The following ZDHHC8 variants were observed in gnomAD, a reference collection of about 807,000 sequenced individuals.
ZDHHC8 encodes zDHHC palmitoyltransferase 8.
In ZDHHC8, 24 loss-of-function variants were observed where a neutral mutation model predicts 61.2. That is an observed-to-expected ratio of 0.39 (90% CI 0.28 to 0.55). ZDHHC8 has a LOEUF of 0.55. Ranked by LOEUF, ZDHHC8 falls within the 20% of genes least tolerant of loss-of-function variation. The pLI is 0.60. For missense variants in ZDHHC8, 935 were observed against 1,102.1 expected, an observed-to-expected ratio of 0.85 and a Z score of 2.15; for synonymous variants, 523 against 492.5, an observed-to-expected ratio of 1.06 and a Z score of -0.82.
At position 20,143,559 on chromosome 22, in the gene ZDHHC8, C is replaced by T. The variant is rs142069002; in HGVS notation, c.1929C>T (p.Ser643=). 3.8e-5 allele frequency: 60 copies of T among 1,596,818 alleles called. No homozygotes were observed. The African/African-American group carries it at 7.5e-4, about 20-fold the overall frequency. Residue 643 remains serine (S), a synonymous_variant, in exon 10 of 11, where the codon TCC becomes TCT. Transcript: ENST00000334554. Reference sequence around the variant, plus strand: ...TGAGCCGTGCACCGCGGACGTCGTCCTCCTCCCTGCAGGCTGATCAGGCCA... The same window carrying T: ...TGAGCCGTGCACCGCGGACGTCGTCTTCCTCCCTGCAGGCTGATCAGGCCA... ...SSVSRAPRTS[S]SSLQADQASS...
chr22:20,132,006 C>T lies in ZDHHC8; in HGVS notation c.59C>T (p.Ala20Val). ...KPAKYIPVAT[A>V]AALLVGSSTL... ...GCCAAGTACATCCCGGTGGCCACGG[C>T]CGCCGCGCTGCTGGTCGGCTCCAGC... The change falls in exon 1 of 11, where the codon GCC becomes GTC. Residue 20 changes from alanine to valine, a missense_variant. Coordinates refer to ENST00000334554, the MANE Select transcript of ZDHHC8 (RefSeq NM_013373.4). 2 of 1,389,886 alleles carry T rather than the reference C, an allele frequency of 1.4e-6. No individual in the cohort carries two copies. The highest frequency in any genetic ancestry group is 2.1e-5 in the Admixed American group (1 of 46,706). 86.1% of individuals were successfully genotyped at this position (1,389,886 alleles called of 1,614,324 possible).
Position 20,141,471 on chromosome 22 carries a change from A to G in ZDHHC8, c.1066A>G (p.Lys356Glu). 2 of 1,613,308 alleles carry G rather than the reference A, an allele frequency of 1.2e-6. No individual in the cohort carries two copies. The highest frequency in any genetic ancestry group is 1.7e-6 in the Non-Finnish European group (2 of 1,179,916). The change falls in exon 9 of 11, where the codon AAG (lysine) becomes GAG (glutamate). Residue 356 changes from lysine to glutamate, a missense_variant. By Grantham distance (56) the Lys-to-Glu change is moderately conservative. Coordinates refer to ENST00000334554, the MANE Select transcript of ZDHHC8 (RefSeq NM_013373.4). ...CAGCCCCCCGACACCTGCCATGTAC[A>G]AGTTTAGGCCGGCTTTCCCCACGGG... ...RTSPPTPAMY[K>E]FRPAFPTGPK...
intron 1 of ZDHHC8, among the ~76,000 whole-genome samples, chr22:20,136,099 CG>C (rs540800358): frequency 6.6e-6 from 1 of 152,154 alleles, no homozygotes; most frequent in Non-Finnish European, 1.5e-5. Context: ...ATTGGAACCT[CG>C]GGGCTGGGCC....
Position 20,141,342 on chromosome 22 carries a change from G to C in ZDHHC8, c.1015+5G>C, listed in dbSNP as rs759119910. The C allele has an allele frequency of 6.2e-7, 1 of 1,611,948 alleles. No individual in the cohort carries two copies. Among genetic ancestry groups the C allele is most frequent in the Admixed American group, 1.7e-5 (1 of 59,912 alleles). On this transcript the variant is annotated splice_donor_5th_base_variant and intron_variant, in intron 8 of 10. Coordinates refer to ENST00000334554, the MANE Select transcript of ZDHHC8 (RefSeq NM_013373.4). ...CCCCGCGCCCAGGCAGTGCTGGTGAGGTTGGGGCAGCCACGACTAGGGAGG... is the reference window on the plus strand; with the variant it reads ...CCCCGCGCCCAGGCAGTGCTGGTGACGTTGGGGCAGCCACGACTAGGGAGG...
intron 1 of ZDHHC8, among the ~76,000 whole-genome samples, chr22:20,135,105 T>C (rs2148002829): frequency 6.6e-6 from 1 of 151,764 alleles, no homozygotes; most frequent in South Asian, 2.1e-4. Flanking sequence ...CTAATTTATT[T>C]ATTTTTTGTT....
In ZDHHC8 at chr22:20,141,447, A is replaced by G. The variant is rs750789232; in HGVS notation, c.1042A>G (p.Ser348Gly). 1 of 1,613,292 alleles carries G rather than the reference A, an allele frequency of 6.2e-7. No individual in the cohort carries two copies. Among genetic ancestry groups the G allele is most frequent in the Non-Finnish European group, 8.5e-7 (1 of 1,179,924 alleles). The change falls in exon 9 of 11, where the codon AGC (serine) becomes GGC (glycine). Residue 348 changes from serine (S) to glycine (G), a missense_variant. Around this residue, in one of 3 missense-constraint regions of ZDHHC8, gnomAD observed 692 missense variants for 731.4 expected, o/e 0.95. Transcript: ENST00000334554. ...AESALSVQRT[S>G]PPTPAMYKFR... ...GAGTGCCCTGTCGGTGCAGAGGACCAGCCCCCCGACACCTGCCATGTACAA... is the reference window on the plus strand; with the variant it reads ...GAGTGCCCTGTCGGTGCAGAGGACCGGCCCCCCGACACCTGCCATGTACAA...
Position 20,145,427 on chromosome 22 carries a change from G to A in ZDHHC8, c.*27G>A. ...GACTGACTGCCACACATCCGCCATGGTGCCACGGGGACCAGGACCCCACAG... is the reference window on the plus strand; with the variant it reads ...GACTGACTGCCACACATCCGCCATGATGCCACGGGGACCAGGACCCCACAG... On this transcript the variant is annotated 3_prime_UTR_variant, in exon 11 of 11. Transcript: ENST00000334554. The A allele has an allele frequency of 5.5e-6, 8 of 1,458,814 alleles. No individual in the cohort carries two copies. The highest frequency in any genetic ancestry group is 7.3e-6 in the Non-Finnish European group (8 of 1,101,332). 90.4% of individuals were successfully genotyped at this position (1,458,814 alleles called of 1,614,324 possible).
At chr22:20,135,848 C>T (rs1007732185) in intron 1 of ZDHHC8, among the ~76,000 whole-genome samples, 22 of 152,272 alleles carry the variant, frequency 1.4e-4, no homozygotes, top group African/African-American at 4.1e-4. Context: ...CCGCCGGTCC[C>T]GAGCGCCCCA....
Position 20,142,739 on chromosome 22 carries a change from A to C in ZDHHC8, c.1126-17A>C, listed in dbSNP as rs759701338. The C allele has an allele frequency of 3.1e-6, 5 of 1,611,674 alleles. No individual in the cohort carries two copies. Among genetic ancestry groups the C allele is most frequent in the South Asian group, 1.1e-5 (1 of 91,028 alleles). On this transcript the variant is annotated splice_polypyrimidine_tract_variant and intron_variant, in intron 9 of 10. Coordinates refer to ENST00000334554, the MANE Select transcript of ZDHHC8 (RefSeq NM_013373.4). ...GGGTGGCAGGTGGGCAGTGGTGAGAATGCCTTCTCCCTACAGGTTCCAGGC... is the reference window on the plus strand; with the variant it reads ...GGGTGGCAGGTGGGCAGTGGTGAGACTGCCTTCTCCCTACAGGTTCCAGGC...
In ZDHHC8 at chr22:20,147,266, C is replaced by G. The variant is rs1401464890; in HGVS notation, c.*1866C>G. On this transcript the variant is annotated 3_prime_UTR_variant, in exon 11 of 11. Transcript: ENST00000334554. ...AAGTAGGCGGCTCTGGGGCCCAGGA[C>G]AGCCCAGCTGGGGACCCAGGAGGTC... 3.5e-6 allele frequency: 5 copies of G among 1,414,314 alleles called. No individual in the cohort carries two copies. In the East Asian group the frequency reaches 1.5e-4, roughly 41 times the overall value. The allele number at this position is 1,414,314 out of a possible 1,614,324, so 87.6% of individuals were successfully genotyped here.
Position 20,146,828 on chromosome 22 carries a change from G to A in ZDHHC8, c.*1428G>A, listed in dbSNP as rs940764027. On this transcript the variant is annotated 3_prime_UTR_variant, in exon 11 of 11. Coordinates refer to ENST00000334554, the MANE Select transcript of ZDHHC8 (RefSeq NM_013373.4). Reference sequence around the variant, plus strand: ...GTTGGCTCAGGGCCCTGTGGGGGCCGCTGAACCTGCTGGAACTCTCCTGCC... The same window carrying A: ...GTTGGCTCAGGGCCCTGTGGGGGCCACTGAACCTGCTGGAACTCTCCTGCC... 3.0e-5 allele frequency: 37 copies of A among 1,246,106 alleles called. No homozygotes were observed. The highest frequency in any genetic ancestry group is 3.4e-5 in the Non-Finnish European group (34 of 996,112). 77.2% of individuals were successfully genotyped at this position (1,246,106 alleles called of 1,614,324 possible).
At position 20,147,012 on chromosome 22, in the gene ZDHHC8, G is replaced by A; in HGVS notation, c.*1612G>A. ...TCTGCTTCTCTCTCACGGACGCCGC[G>A]GCCCGCAGGGGGCGGATTGGCACCT... On this transcript the variant is annotated 3_prime_UTR_variant, in exon 11 of 11. Transcript: ENST00000334554. The A allele has an allele frequency of 7.1e-7, 1 of 1,401,782 alleles. No homozygotes were observed. The highest frequency in any genetic ancestry group is 9.3e-7 in the Non-Finnish European group (1 of 1,080,372). 86.8% of individuals were successfully genotyped at this position (1,401,782 alleles called of 1,614,324 possible). A position where few individuals can be genotyped will look rare whatever the true frequency, so the allele number is the denominator to read the frequency against.
rs766399586 is a variant in ZDHHC8, at chr22:20,143,581, G to T, written c.1951G>T (p.Ala651Ser). Residue 651 changes from alanine (A) to serine (S), a missense_variant, in exon 10 of 11, where the codon GCC (alanine) becomes TCC (serine). Physicochemically the swap from Ala to Ser is moderately conservative, Grantham distance 99. Transcript: ENST00000334554. ...TSSSSLQADQ[A>S]SSNAPGPRPS... ...GTCCTCCTCCCTGCAGGCTGATCAG[G>T]CCAGCAGCAACGCCCCGGGGCCCCG... 2.5e-6 allele frequency: 4 copies of T among 1,600,244 alleles called. No homozygotes were observed. The highest frequency in any genetic ancestry group is 2.7e-5 in the African/African-American group (2 of 74,856).
At position 20,143,149 on chromosome 22, in the gene ZDHHC8, C is replaced by A. The variant is rs1568995140; in HGVS notation, c.1519C>A (p.Pro507Thr). 3 of 1,611,844 alleles carry A rather than the reference C, an allele frequency of 1.9e-6. No individual in the cohort carries two copies. The highest frequency in any genetic ancestry group is 1.7e-5 in the Admixed American group (1 of 60,016). The change falls in exon 10 of 11, where the codon CCC becomes ACC. Residue 507 changes from proline to threonine, a missense_variant. Coordinates refer to ENST00000334554, the MANE Select transcript of ZDHHC8 (RefSeq NM_013373.4). ...PAVGVAGYHSPYLHPGATGDP... is the reference protein window; with the variant it reads ...PAVGVAGYHSTYLHPGATGDP... Reference sequence around the variant, plus strand: ...AGTTGGCGTGGCCGGATACCACTCACCCTACCTGCATCCTGGGGCAACGGG... The same window carrying A: ...AGTTGGCGTGGCCGGATACCACTCAACCTACCTGCATCCTGGGGCAACGGG...
rs1024121239 is a variant in ZDHHC8 at position 20,146,503 on chromosome 22, C to A, written c.*1103C>A. The stretch of plus-strand genomic sequence containing the variant: ...GGCCAGGGCTATTGCTGCAGGATCC[C>A]GAGTTAGGGGAGGGCAGGGGCCGGG... On this transcript the variant is annotated 3_prime_UTR_variant, in exon 11 of 11. Transcript: ENST00000334554. The A allele has an allele frequency of 2.0e-6, 2 of 987,948 alleles. No homozygotes were observed. The highest frequency in any genetic ancestry group is 2.4e-6 in the Non-Finnish European group (2 of 831,962). 61.2% of individuals were successfully genotyped at this position (987,948 alleles called of 1,614,324 possible). A position where few individuals can be genotyped will look rare whatever the true frequency, so the allele number is the denominator to read the frequency against.
chr22:20,141,328 G>A lies in ZDHHC8; in HGVS notation c.1006G>A (p.Gly336Ser), dbSNP rs200586837. The change falls in exon 8 of 11, where the codon GGC becomes AGC. Residue 336 changes from glycine to serine, a missense_variant. This residue lies in a region of ZDHHC8 where 692 missense variants were observed against 731.4 expected (regional missense o/e 0.95). Coordinates refer to ENST00000334554, the MANE Select transcript of ZDHHC8 (RefSeq NM_013373.4). Reference protein sequence around the residue: ...FSSDLQTPRPGSAESALSVQR... With the variant: ...FSSDLQTPRPSSAESALSVQR... ...CAGTGACCTGCAGACCCCGCGCCCA[G>A]GCAGTGCTGGTGAGGTTGGGGCAGC... 6 of 1,612,508 alleles carry A rather than the reference G, an allele frequency of 3.7e-6. No homozygotes were observed. In the East Asian group the frequency reaches 8.9e-5, roughly 24 times the overall value.
intron 5 of ZDHHC8, 71 bp from the exon 6 acceptor site, chr22:20,140,546 T>TTGCCCAGCCCCC: frequency 6.9e-7 from 1 of 1,450,906 alleles, no homozygotes; most frequent in Non-Finnish European, 9.2e-7. Flanking sequence ...CCCAGCTCCC[T>TTGCCCAGCCCCC]TGCCCAGCCC....
Position 20,139,259 on chromosome 22 carries a change from T to G in ZDHHC8, c.170T>G (p.Phe57Cys). The change falls in exon 2 of 11, where the codon TTT becomes TGT. Residue 57 changes from phenylalanine to cysteine, a missense_variant. Phe to Cys is a radical substitution (Grantham distance 205). Around this residue, in one of 3 missense-constraint regions of ZDHHC8, gnomAD observed 199 missense variants for 334.0 expected, o/e 0.60. Transcript: ENST00000334554. ...VPVYNGIIFL[F>C]VLANFSMATF... ...GTCTACAATGGCATCATCTTCCTCTTTGTCCTGGCCAACTTCAGCATGGCC... is the reference window on the plus strand; with the variant it reads ...GTCTACAATGGCATCATCTTCCTCTGTGTCCTGGCCAACTTCAGCATGGCC... The G allele has an allele frequency of 6.2e-7, 1 of 1,613,974 alleles. No homozygotes were observed. The highest frequency in any genetic ancestry group is 8.5e-7 in the Non-Finnish European group (1 of 1,180,000).
At chr22:20,142,576 G>A (rs760680382) in intron 9 of ZDHHC8, among the ~76,000 whole-genome samples, 180 bp from the exon 10 acceptor site, 2 of 152,208 alleles carry the variant, frequency 1.3e-5, no homozygotes, top group African/African-American at 4.8e-5. Flanking sequence ...CTGTTGCAGA[G>A]CCCCTGCCCC....
Sources: allele counts gnomAD v4.1 joint callset (sites outside exome capture counted in the v4.1 genomes callset), GRCh38; gene constraint gnomAD v4.1.1; regional missense constraint gnomAD v4.1.1; transcripts MANE v1.5; gene names NCBI Gene and HGNC (gene_info 2026-07-23, HGNC 2026-07-21).